CNBD1: variants seen among roughly 807,000 people sequenced by gnomAD.
CNBD1 encodes cyclic nucleotide-binding domain-containing protein 1.
CNBD1 carries 71 observed loss-of-function variants against 54.4 expected under a neutral mutation model. The ratio of observed to expected loss-of-function variants is 1.30; its 90% CI spans 1.08 to 1.59. The LOEUF (loss-of-function observed/expected upper bound fraction) is 1.59. CNBD1 is among the 40% of genes most tolerant of loss of function. The pLI is 0.00. For synonymous variants in CNBD1, 182 were observed against 170.7 expected (o/e 1.07, Z -0.51); for missense variants, 659 against 518.0 (o/e 1.27, Z -2.64).
intron 5 of CNBD1, among the ~76,000 whole-genome samples, chr8:87,225,371 G>C (rs1464048594): frequency 6.6e-6 from 1 of 151,944 alleles, no homozygotes; most frequent in Admixed American, 6.6e-5. Context: ...TATGATATTG[G>C]CTGTGGGTTT....
At chr8:87,319,678 T>C (rs1390187513) in intron 8 of CNBD1, among the ~76,000 whole-genome samples, 1 of 152,106 alleles carries the variant, frequency 6.6e-6, no homozygotes, top group Non-Finnish European at 1.5e-5. Flanking sequence ...AAGTAACATG[T>C]TTTTACCTCA....
At chr8:87,247,701 C>G (rs1048651531) in intron 6 of CNBD1, among the ~76,000 whole-genome samples, 4 of 152,182 alleles carry the variant, frequency 2.6e-5, no homozygotes, top group African/African-American at 9.7e-5. Context: ...AGAAAGCCCT[C>G]TCATTTCTGT....
intron 2 of CNBD1, among the ~76,000 whole-genome samples, chr8:87,399,000 A>G (rs1032552634): frequency 6.6e-6 from 1 of 152,012 alleles, no homozygotes; most frequent in African/African-American, 2.4e-5. Flanking sequence ...CTTTATTTGA[A>G]TCAAGGAGAT....
chr8:87,359,803 C>T (rs1204956759), intron 10 of CNBD1, among the ~76,000 whole-genome samples: 1 of 151,864 alleles, frequency 6.6e-6, no homozygotes, highest in African/African-American at 2.4e-5. Flanking sequence ...ATCTTGCTAT[C>T]AAGTGTTATT....
In CNBD1 at chr8:87,353,693, G is replaced by A. The variant is rs770359228; in HGVS notation, c.1210G>A (p.Glu404Lys). Residue 404 changes from glutamate to lysine, a missense_variant, in exon 10 of 11, where the codon GAG becomes AAG. Transcript: ENST00000518476. ...ACTTAAGGAGAAGGAGTCCTTTGGT[G>A]AGATTAGCGTCCTTCTTCAAGTTCC... ...GKLKEKESFG[E>K]ISVLLQVPFT... is the part of the protein sequence containing the mutation. The A allele has an allele frequency of 5.0e-6, 8 of 1,608,732 alleles. No individual in the cohort carries two copies. Among genetic ancestry groups the A allele is most frequent in the Non-Finnish European group, 5.9e-6 (7 of 1,177,050 alleles).
At chr8:86,971,135 C>T (rs74456848) in intron 4 of CNBD1, among the ~76,000 whole-genome samples, 3,275 of 152,148 alleles carry the variant, frequency 0.022, 118 homozygotes, top group African/African-American at 0.068. Flanking sequence ...GACTGGGCAA[C>T]TTATAAAGAA....
At chr8:86,929,037 C>T (rs1391151845) in intron 3 of CNBD1, among the ~76,000 whole-genome samples, 1 of 152,184 alleles carries the variant, frequency 6.6e-6, no homozygotes, top group African/African-American at 2.4e-5. Context: ...AGGGTTGTTC[C>T]ATACCAAGGG....
At chr8:87,235,429 CT>C (rs1157283314) in intron 5 of CNBD1, among the ~76,000 whole-genome samples, 4 of 152,070 alleles carry the variant, frequency 2.6e-5, no homozygotes, top group Non-Finnish European at 5.9e-5. Context: ...CTTCCTTTGA[CT>C]TGAACACTTA....
intron 6 of CNBD1, among the ~76,000 whole-genome samples, chr8:87,268,157 A>C (rs1268884236): frequency 6.6e-6 from 1 of 152,080 alleles, no homozygotes; most frequent in Non-Finnish European, 1.5e-5. Context: ...ATTTGTGTCC[A>C]TGTGTATTCA....
rs116797334 is a variant in CNBD1, at chr8:87,027,242, A to C, written c.431+87488A>C. Among the ~76,000 whole-genome samples, 787 of 152,226 alleles carry C rather than the reference A, an allele frequency of 5.2e-3. 7 individuals are homozygous for C. Among genetic ancestry groups the C allele is most frequent in the African/African-American group, 0.018 (754 of 41,542 alleles). On this transcript the variant is annotated intron_variant, in intron 4 of 10. Coordinates refer to ENST00000518476, the MANE Select transcript of CNBD1 (RefSeq NM_173538.3). ...ACTGTGAACCAACATTTTGGGTAAA[A>C]CAGCTCCCATGGCAGTTTTATTTTT... is the stretch of plus-strand genomic sequence containing the variant.
intron 4 of CNBD1, among the ~76,000 whole-genome samples, chr8:87,037,367 T>C (rs567379728): frequency 6.6e-6 from 1 of 152,278 alleles, no homozygotes; most frequent in Admixed American, 6.5e-5. Flanking sequence ...TTCATCAGTG[T>C]CTAAGTCATA....
intron 4 of CNBD1, among the ~76,000 whole-genome samples, chr8:86,987,567 C>A (rs1183993380): frequency 6.6e-6 from 1 of 152,030 alleles, no homozygotes; most frequent in African/African-American, 2.4e-5. Context: ...AGTGGGCTTC[C>A]TTGTCTTGTT....
chr8:87,420,438 T>C, intron 2 of CNBD1, among the ~76,000 whole-genome samples: 1 of 152,054 alleles, frequency 6.6e-6, no homozygotes, highest in East Asian at 1.9e-4. Context: ...TGGAATCACA[T>C]GGTATTTCTG....
At chr8:87,307,765 T>TATATATAC (rs1176218138) in intron 8 of CNBD1, among the ~76,000 whole-genome samples, 1 of 148,996 alleles carries the variant, frequency 6.7e-6, no homozygotes, top group African/African-American at 2.5e-5. Context: ...TATATATATA[T>TATATATAC]AACTTAGCAA....
Position 87,290,758 on chromosome 8 carries a change from G to A in CNBD1, c.1042+4087G>A, listed in dbSNP as rs550705771. Among the ~76,000 whole-genome samples the A allele has an allele frequency of 2.0e-5, 3 of 152,196 alleles. No homozygotes were observed. The South Asian group carries it at 6.2e-4, about 32-fold the overall frequency. On this transcript the variant is annotated intron_variant, in intron 8 of 10. Coordinates refer to ENST00000518476, the MANE Select transcript of CNBD1 (RefSeq NM_173538.3). Reference sequence around the variant, plus strand: ...GGGTGTAGGATTTGAAGCTGAAATTGGGTTATTTTGTGTAAGTTAAAAATG... The same window carrying A: ...GGGTGTAGGATTTGAAGCTGAAATTAGGTTATTTTGTGTAAGTTAAAAATG...
At chr8:87,239,240 G>GT (rs1807641060) in intron 6 of CNBD1, among the ~76,000 whole-genome samples, 1 of 152,190 alleles carries the variant, frequency 6.6e-6, no homozygotes, top group South Asian at 2.1e-4. Context: ...AGAAGGACAA[G>GT]TATATGATTA....
chr8:86,905,182 A>C lies in CNBD1; in HGVS notation c.260A>C (p.Gln87Pro). The C allele has an allele frequency of 6.3e-7, 1 of 1,593,736 alleles. No individual in the cohort carries two copies. The highest frequency in any genetic ancestry group is 8.6e-7 in the Non-Finnish European group (1 of 1,162,384). Residue 87 changes from glutamine (Q) to proline (P), a missense_variant, in exon 3 of 11, where the codon CAG (glutamine) becomes CCG (proline). By Grantham distance (76) the Gln-to-Pro change is moderately conservative. Transcript: ENST00000518476. ...QKPRLPKLFKQEEQRELNEGK... is the reference protein window; with the variant it reads ...QKPRLPKLFKPEEQRELNEGK... ...CCCAGACTTCCTAAACTTTTCAAAC[A>C]GGAGGAACAAAGGTAATGATACCTT...
At chr8:87,177,554 G>T (rs1359530192) in intron 4 of CNBD1, among the ~76,000 whole-genome samples, 1 of 152,108 alleles carries the variant, frequency 6.6e-6, no homozygotes, top group African/African-American at 2.4e-5. Flanking sequence ...ATCAGCATCT[G>T]CTCAAAAATG....
At chr8:87,369,401 C>T (rs1174890100) in intron 10 of CNBD1, among the ~76,000 whole-genome samples, 2 of 152,002 alleles carry the variant, frequency 1.3e-5, no homozygotes, top group Non-Finnish European at 2.9e-5. Context: ...ATTACCTCTG[C>T]TCATGCTCTT....
Sources: allele counts gnomAD v4.1 joint callset (sites outside exome capture counted in the v4.1 genomes callset), GRCh38; gene constraint gnomAD v4.1.1; transcripts MANE v1.5; gene names NCBI Gene and HGNC (gene_info 2026-07-23, HGNC 2026-07-21).